Variants in PRKG1 observed in about 807,000 individuals in gnomAD.
PRKG1 encodes the protein cGMP-dependent protein kinase 1.
Under a neutral mutation model 88.1 loss-of-function variants are expected in PRKG1, and 35 were observed. That is an observed-to-expected ratio of 0.40 (90% CI 0.30 to 0.53). The LOEUF is 0.53. Ranked by LOEUF, PRKG1 falls within the 20% of genes least tolerant of loss-of-function variation. The pLI is 0.59. For missense variants in PRKG1, 540 were observed against 839.8 expected (o/e 0.64, Z 4.41); for synonymous variants, 303 against 292.5 (o/e 1.04, Z -0.37).
At chr10:51,222,542 A>G (rs999764592) in intron 2 of PRKG1, among the ~76,000 whole-genome samples, 1 of 152,042 alleles carries the variant, frequency 6.6e-6, no homozygotes, top group African/African-American at 2.4e-5. Flanking sequence ...GCCTTACTTC[A>G]TTTCTTTAAT....
chr10:52,009,646 C>T (rs902055252), intron 5 of PRKG1, among the ~76,000 whole-genome samples: 1 of 152,126 alleles, frequency 6.6e-6, no homozygotes, highest in African/African-American at 2.4e-5. Flanking sequence ...CTACCAATGA[C>T]ATTCTTCACA....
chr10:51,465,300 T>C lies in PRKG1; in HGVS notation c.479-2423T>C, dbSNP rs549843284. 4.6e-5 allele frequency among the ~76,000 whole-genome samples: 7 copies of C among 152,330 alleles called. No homozygotes were observed. The East Asian group carries it at 7.7e-4, about 17-fold the overall frequency. ...AACTGTCTGGTAGAATTCTTAGTAG[T>C]GGTTTTACTCGCATGGCCCATAGGT... On this transcript the variant is annotated intron_variant, in intron 2 of 17. Coordinates refer to ENST00000373980, the MANE Select transcript of PRKG1 (RefSeq NM_006258.4).
intron 5 of PRKG1, among the ~76,000 whole-genome samples, chr10:52,021,326 A>G (rs914728529): frequency 6.6e-6 from 1 of 152,162 alleles, no homozygotes; most frequent in South Asian, 2.1e-4. Context: ...GATTTTAAGC[A>G]GGAGGGAGGC....
At chr10:51,032,137 TGC>T (rs1843291494) in intron 1 of PRKG1, among the ~76,000 whole-genome samples, 1 of 152,142 alleles carries the variant, frequency 6.6e-6, no homozygotes, top group African/African-American at 2.4e-5. Flanking sequence ...CTGAAGCAGC[TGC>T]CAGTGTCCTT....
intron 3 of PRKG1, among the ~76,000 whole-genome samples, chr10:51,779,102 C>A (rs1838518029): frequency 6.6e-6 from 1 of 152,020 alleles, no homozygotes. Flanking sequence ...CCAGTATTTG[C>A]CCTATATTTC....
In PRKG1 at chr10:51,791,615, G is replaced by A. The variant is rs771829949; in HGVS notation, c.593-12970G>A. 1.3e-4 allele frequency among the ~76,000 whole-genome samples: 20 copies of A among 151,986 alleles called. 1 individual carries two copies. The highest frequency in any genetic ancestry group is 2.2e-4 in the Non-Finnish European group (15 of 67,994). On this transcript the variant is annotated intron_variant, in intron 3 of 17. Coordinates refer to ENST00000373980, the MANE Select transcript of PRKG1 (RefSeq NM_006258.4). ...AGATCTCAGAGTAGAATATGGTACC[G>A]ATATAACTCAGGTATATGAATAACT...
intron 3 of PRKG1, among the ~76,000 whole-genome samples, chr10:51,541,674 A>T (rs1361764068): frequency 6.6e-6 from 1 of 152,076 alleles, no homozygotes; most frequent in African/African-American, 2.4e-5. Flanking sequence ...TTGATCACTC[A>T]TGGTTTCTAT....
chr10:51,818,936 G>A (rs1839665886), intron 4 of PRKG1, among the ~76,000 whole-genome samples: 1 of 96,860 alleles, frequency 1.0e-5, no homozygotes, highest in Admixed American at 9.5e-5. Flanking sequence ...GAACCCGGGA[G>A]GCGGAGCTTG....
At chr10:51,629,859 T>C (rs1025430423) in intron 3 of PRKG1, among the ~76,000 whole-genome samples, 5 of 152,178 alleles carry the variant, frequency 3.3e-5, no homozygotes, top group African/African-American at 1.2e-4. Context: ...ATGCACCAGC[T>C]GGGAGAAAGA....
intron 3 of PRKG1, among the ~76,000 whole-genome samples, chr10:51,752,343 C>T (rs545634779): frequency 1.3e-5 from 2 of 152,196 alleles, no homozygotes; most frequent in African/African-American, 4.8e-5. Context: ...GCAAGACTAT[C>T]TGCCTTATGA....
intron 2 of PRKG1, among the ~76,000 whole-genome samples, chr10:51,204,366 C>CTGTGTG (rs754207830): frequency 0.02 from 2,412 of 118,348 alleles, 30 homozygotes; most frequent in Middle Eastern, 0.061. Context: ...GAGTAGACCT[C>CTGTGTG]CGTGTGTGTG....
intron 4 of PRKG1, among the ~76,000 whole-genome samples, chr10:51,906,920 G>A (rs994582148): frequency 6.6e-6 from 1 of 152,094 alleles, no homozygotes; most frequent in Non-Finnish European, 1.5e-5. Context: ...GAGTCAGGTT[G>A]GAATTTGGTA....
intron 3 of PRKG1, among the ~76,000 whole-genome samples, chr10:51,542,474 G>T (rs1035010364): frequency 6.6e-6 from 1 of 152,030 alleles, no homozygotes; most frequent in Admixed American, 6.6e-5. Context: ...TATATCTCCT[G>T]TTCCCAACCA....
At chr10:51,154,226 A>G (rs959744451) in intron 2 of PRKG1, among the ~76,000 whole-genome samples, 2 of 151,984 alleles carry the variant, frequency 1.3e-5, no homozygotes, top group Admixed American at 1.3e-4. Flanking sequence ...AATTTGTAAA[A>G]AAAGAAGATA....
intron 2 of PRKG1, among the ~76,000 whole-genome samples, chr10:51,233,498 A>C (rs1027006624): frequency 1.3e-5 from 2 of 152,226 alleles, no homozygotes; most frequent in African/African-American, 4.8e-5. Context: ...TGTATTCCAG[A>C]TGGAATGTTA....
chr10:51,148,506 A>T (rs1845992555), intron 1 of PRKG1, among the ~76,000 whole-genome samples: 1 of 152,110 alleles, frequency 6.6e-6, no homozygotes, highest in Non-Finnish European at 1.5e-5. Context: ...TAATGCTCAC[A>T]TTTCTGGGCA....
chr10:51,263,908 T>G (rs1273464738), intron 2 of PRKG1, among the ~76,000 whole-genome samples: 1 of 152,214 alleles, frequency 6.6e-6, no homozygotes, highest in African/African-American at 2.4e-5. Flanking sequence ...GGGATTATTC[T>G]CAAATATGGT....
rs73335491 is a variant in PRKG1, at chr10:51,927,188, C to A, written c.762+19618C>A. Among the ~76,000 whole-genome samples, 1,428 of 152,232 alleles carry A rather than the reference C, an allele frequency of 9.4e-3. 25 individuals are homozygous for A. The highest frequency in any genetic ancestry group is 0.032 in the African/African-American group (1,347 of 41,520). Reference sequence around the variant, plus strand: ...TAATTCCCACATACTGTGGGAGGGACCTGGTGGGAGATAATTGAATCATAG... The same window carrying A: ...TAATTCCCACATACTGTGGGAGGGAACTGGTGGGAGATAATTGAATCATAG... On this transcript the variant is annotated intron_variant, in intron 5 of 17. Transcript: ENST00000373980.
At chr10:52,039,497 A>G (rs1845702766) in intron 5 of PRKG1, among the ~76,000 whole-genome samples, 2 of 152,164 alleles carry the variant, frequency 1.3e-5, no homozygotes, top group Non-Finnish European at 2.9e-5. Context: ...ACTTCAGGTC[A>G]TCTGGGCGTA....
Sources: allele counts gnomAD v4.1 joint callset (sites outside exome capture counted in the v4.1 genomes callset), GRCh38; gene constraint gnomAD v4.1.1; transcripts MANE v1.5; gene names NCBI Gene and HGNC (gene_info 2026-07-23, HGNC 2026-07-21).